ABCA13: variants seen among roughly 807,000 people sequenced by gnomAD.
ABCA13 encodes ATP-binding cassette sub-family A member 13.
A neutral mutation model predicts 478.7 loss-of-function variants in ABCA13; 476 were observed. That is an observed-to-expected ratio of 0.99 (90% confidence interval 0.92 to 1.07). The LOEUF (loss-of-function observed/expected upper bound fraction) is 1.07. ABCA13 is among the 50% of genes least tolerant of loss of function. The pLI is 0.00. For synonymous variants in ABCA13, 2,252 were observed against 2,158.9 expected, an observed-to-expected ratio of 1.04 and a Z score of -1.20; for missense variants, 6,060 against 5,910.6, an observed-to-expected ratio of 1.03 and a Z score of -0.83.
intron 43 of ABCA13, among the ~76,000 whole-genome samples, chr7:48,461,641 C>T (rs759851095): frequency 2.0e-5 from 3 of 151,886 alleles, no homozygotes; most frequent in Non-Finnish European, 2.9e-5. Context: ...CATGGCCCCT[C>T]ACCCTGGGTG....
intron 27 of ABCA13, among the ~76,000 whole-genome samples, chr7:48,320,278 A>C (rs571613235): frequency 3.0e-4 from 45 of 152,182 alleles, no homozygotes; most frequent in Admixed American, 4.6e-4. Context: ...ATATTCGTTA[A>C]AGTCAAAAGT....
intron 35 of ABCA13, among the ~76,000 whole-genome samples, chr7:48,385,769 CCCA>C (rs1008733178): frequency 2.0e-5 from 3 of 152,298 alleles, no homozygotes; most frequent in Admixed American, 6.5e-5. Context: ...AATTTACACT[CCCA>C]CCAACAGTGT....
intron 59 of ABCA13, among the ~76,000 whole-genome samples, chr7:48,638,311 T>C (rs1359726628): frequency 2.0e-5 from 3 of 152,180 alleles, no homozygotes; most frequent in Non-Finnish European, 1.5e-5. Context: ...CTATGAATGG[T>C]GGAGTCATTT....
chr7:48,469,868 C>T (rs180990852), intron 44 of ABCA13, among the ~76,000 whole-genome samples: 42 of 151,092 alleles, frequency 2.8e-4, no homozygotes, highest in Admixed American at 2.3e-3. Context: ...TGTAGTGAGC[C>T]GAGATTGTGC....
chr7:48,568,922 G>A (rs545849086), intron 55 of ABCA13, among the ~76,000 whole-genome samples: 13 of 151,712 alleles, frequency 8.6e-5, no homozygotes, highest in East Asian at 5.8e-4. Flanking sequence ...TTTGGCATAC[G>A]AATATTTAGA....
intron 59 of ABCA13, among the ~76,000 whole-genome samples, chr7:48,625,029 T>A (rs968034769): frequency 6.6e-6 from 1 of 152,240 alleles, no homozygotes; most frequent in Non-Finnish European, 1.5e-5. Flanking sequence ...GATCCCATCA[T>A]AGATGTGTTA....
chr7:48,609,224 A>G (rs1398411347), intron 58 of ABCA13, among the ~76,000 whole-genome samples: 1 of 152,148 alleles, frequency 6.6e-6, no homozygotes, highest in Admixed American at 6.5e-5. Context: ...TATTTCTCAT[A>G]TAATTATTAG....
chr7:48,502,174 G>C (rs1413565003), intron 48 of ABCA13, among the ~76,000 whole-genome samples: 4 of 152,184 alleles, frequency 2.6e-5, no homozygotes, highest in African/African-American at 9.7e-5. Flanking sequence ...AGAGGGTCTG[G>C]CACGTTGGGG....
chr7:48,413,054 G>T (rs1183913266), intron 41 of ABCA13, among the ~76,000 whole-genome samples: 2 of 151,722 alleles, frequency 1.3e-5, no homozygotes, highest in Non-Finnish European at 2.9e-5. Context: ...CTCATGATCC[G>T]CCCGCCTCAG....
Position 48,272,115 on chromosome 7 carries a change from A to C in ABCA13, c.2449A>C (p.Lys817Gln), listed in dbSNP as rs777591372. The C allele has an allele frequency of 9.9e-6, 16 of 1,613,676 alleles. No homozygotes were observed. Among genetic ancestry groups the C allele is most frequent in the Middle Eastern group, 1.6e-4 (1 of 6,062 alleles). Residue 817 changes from lysine (K) to glutamine (Q), a missense_variant, in exon 17 of 62, where the codon AAA (lysine) becomes CAA (glutamine). Transcript: ENST00000435803. ...AAGTCACTGGATAAGGAAGGAACCA[A>C]AAAATCTTTTGAGATTCATAGAATT... ...LGSHWIRKEP[K>Q]NLLRFIELIL...
chr7:48,360,236 T>A (rs996715661), intron 31 of ABCA13, among the ~76,000 whole-genome samples: 1 of 139,540 alleles, frequency 7.2e-6, no homozygotes, highest in African/African-American at 2.6e-5. Flanking sequence ...CCCCACTCTG[T>A]GTCCAAGTGT....
At chr7:48,382,579 G>T (rs1302682861) in intron 35 of ABCA13, among the ~76,000 whole-genome samples, 5 of 151,988 alleles carry the variant, frequency 3.3e-5, no homozygotes, top group Non-Finnish European at 5.9e-5. Context: ...AACATTAATT[G>T]TTGTTTGTCT....
intron 42 of ABCA13, among the ~76,000 whole-genome samples, chr7:48,441,114 T>G (rs13245697): frequency 0.3 from 45,253 of 152,074 alleles, 6,817 homozygotes; most frequent in East Asian, 0.38. Flanking sequence ...ATTATATTCT[T>G]CAAATTCCTC....
In ABCA13 at chr7:48,372,148, GT is replaced by G; in HGVS notation, c.10804-14del. 1.3e-6 allele frequency: 2 copies of G among 1,597,418 alleles called. No homozygotes were observed. The highest frequency in any genetic ancestry group is 8.5e-7 in the Non-Finnish European group (1 of 1,169,876). On this transcript the variant is annotated intron_variant, in intron 32 of 61. Transcript: ENST00000435803. ...AGTACGCATGCTGTGGTAACCTTGG[GT>G]TTTTTCTCTTTTTGGTAGTATATGC...
In ABCA13 at chr7:48,278,539, A is replaced by G; in HGVS notation, c.7345A>G (p.Ile2449Val). The change falls in exon 18 of 62, where the codon ATA (isoleucine) becomes GTA (valine). Residue 2449 changes from isoleucine to valine, a missense_variant. Physicochemically the swap from Ile to Val is conservative, Grantham distance 29. Around this residue, in one of 3 missense-constraint regions of ABCA13, gnomAD observed 4,423 missense variants for 4,309.1 expected, o/e 1.03. Transcript: ENST00000435803. Reference protein sequence around the residue: ...YALYPTLQEVILANLTDLLFF... With the variant: ...YALYPTLQEVVLANLTDLLFF... ...TTTGTATCCTACCCTCCAAGAAGTTATACTTGCTAATCTAACGGATTTGCT... is the reference window on the plus strand; with the variant it reads ...TTTGTATCCTACCCTCCAAGAAGTTGTACTTGCTAATCTAACGGATTTGCT... The G allele has an allele frequency of 6.2e-7, 1 of 1,613,962 alleles. No homozygotes were observed. Among genetic ancestry groups the G allele is most frequent in the Non-Finnish European group, 8.5e-7 (1 of 1,179,840 alleles).
At chr7:48,372,536 AC>A in intron 33 of ABCA13, 39 bp downstream of exon 33, 2 of 1,426,202 alleles carry the variant, frequency 1.4e-6, no homozygotes, top group Non-Finnish European at 1.9e-6. Context: ...AAAAAAAACA[AC>A]AAAATTGCAA....
At chr7:48,450,601 A>G (rs1409132897) in intron 42 of ABCA13, among the ~76,000 whole-genome samples, 1 of 152,214 alleles carries the variant, frequency 6.6e-6, no homozygotes, top group Non-Finnish European at 1.5e-5. Context: ...TTAGCAAATT[A>G]TCTTCATTCT....
chr7:48,194,531 T>C (rs548345321), intron 2 of ABCA13, among the ~76,000 whole-genome samples: 1 of 152,250 alleles, frequency 6.6e-6, no homozygotes, highest in Non-Finnish European at 1.5e-5. Context: ...AGATGGACCA[T>C]TTTGTTTTTC....
At chr7:48,336,931 G>A (rs1390911145) in intron 28 of ABCA13, among the ~76,000 whole-genome samples, 2 of 152,182 alleles carry the variant, frequency 1.3e-5, no homozygotes, top group African/African-American at 2.4e-5. Flanking sequence ...TAAGCACCAA[G>A]TCGAGAATGT....
Sources: allele counts gnomAD v4.1 joint callset (sites outside exome capture counted in the v4.1 genomes callset), GRCh38; gene constraint gnomAD v4.1.1; regional missense constraint gnomAD v4.1.1; transcripts MANE v1.5; gene names NCBI Gene and HGNC (gene_info 2026-07-23, HGNC 2026-07-21).